COL25A1: variants seen among roughly 807,000 people sequenced by gnomAD.
COL25A1 encodes the protein collagen type XXV alpha 1 chain, also known as collagen alpha-1(XXV) chain.
In COL25A1, 103 loss-of-function variants were observed where a neutral mutation model predicts 128.4. That is an observed-to-expected ratio of 0.80 (90% CI 0.68 to 0.94). The LOEUF (loss-of-function observed/expected upper bound fraction) is 0.94, where lower values mean the gene tolerates loss of function less well. Ranked by LOEUF, COL25A1 falls within the 40% of genes least tolerant of loss-of-function variation. The pLI, the probability that COL25A1 is intolerant of heterozygous loss-of-function variation, is 0.00. For synonymous variants in COL25A1, 279 were observed against 277.2 expected (o/e 1.01, Z -0.06); for missense variants, 745 against 840.0 (o/e 0.89, Z 1.40).
At chr4:108,971,631 A>G (rs1751925761) in intron 8 of COL25A1, among the ~76,000 whole-genome samples, 1 of 152,200 alleles carries the variant, frequency 6.6e-6, no homozygotes, top group Non-Finnish European at 1.5e-5. Flanking sequence ...AGGCAAGACT[A>G]GTGTGAGATG....
intron 3 of COL25A1, among the ~76,000 whole-genome samples, chr4:109,084,965 C>A (rs2125999748): frequency 6.6e-6 from 1 of 152,278 alleles, no homozygotes; most frequent in Non-Finnish European, 1.5e-5. Context: ...TCTCAAAAGT[C>A]ACCAATAACT....
rs1748179000 is a variant in COL25A1, at chr4:108,942,100, T to C, written c.493-663A>G. The stretch of plus-strand genomic sequence containing the variant: ...GTCCCAAGTGCCCAGTAACTTGATA[T>C]ATACCATGAGAGGAAGCCAACGGGC... On this transcript the variant is annotated intron_variant, in intron 8 of 37. Coordinates refer to ENST00000399132, the MANE Select transcript of COL25A1 (RefSeq NM_198721.4). 3.8e-6 allele frequency: 4 copies of C among 1,047,402 alleles called. No individual in the cohort carries two copies. In the South Asian group the frequency reaches 4.4e-5, roughly 11 times the overall value. 64.9% of individuals were successfully genotyped at this position (1,047,402 alleles called of 1,614,324 possible).
At chr4:109,001,972 TA>T (rs1246415949) in intron 6 of COL25A1, among the ~76,000 whole-genome samples, 1 of 152,206 alleles carries the variant, frequency 6.6e-6, no homozygotes, top group Non-Finnish European at 1.5e-5. Flanking sequence ...TCCACATCAC[TA>T]ATCATCAAGG....
At chr4:109,082,009 A>T (rs1763889604) in intron 3 of COL25A1, among the ~76,000 whole-genome samples, 1 of 152,112 alleles carries the variant, frequency 6.6e-6, no homozygotes, top group African/African-American at 2.4e-5. Context: ...GTAGCCCACT[A>T]ATCTCTTTTC....
intron 3 of COL25A1, among the ~76,000 whole-genome samples, chr4:109,057,495 T>TGGTCTCAA (rs2125957042): frequency 7.5e-6 from 1 of 133,376 alleles, no homozygotes; most frequent in East Asian, 2.6e-4. Flanking sequence ...TTGGCCAGGC[T>TGGTCTCAA]GGTCTCAAAC....
At position 109,302,214 on chromosome 4, in the gene COL25A1, G is replaced by A. The variant is rs189457096; in HGVS notation, c.-102C>T. On this transcript the variant is annotated 5_prime_UTR_variant, in exon 1 of 38. Coordinates refer to ENST00000399132, the MANE Select transcript of COL25A1 (RefSeq NM_198721.4). ...AGACCCGCAGGCGTGCACCATCCCC[G>A]CTTTCTTCTCTCCTCCCAGCTGGAA... 7.4e-4 allele frequency: 468 copies of A among 636,348 alleles called. 7 individuals carry two copies. The Admixed American group carries it at 0.014, about 19-fold the overall frequency. The allele number at this position is 636,348 out of a possible 1,614,324, so 39.4% of individuals were successfully genotyped here.
At chr4:108,983,846 CAGTGTGGACCCGAAG>C (rs1753320649) in intron 6 of COL25A1, among the ~76,000 whole-genome samples, 1 of 152,112 alleles carries the variant, frequency 6.6e-6, no homozygotes, top group South Asian at 2.1e-4. Flanking sequence ...CTCATAATGG[CAGTGTGGACCCGAAG>C]AGTGAGCAGC....
intron 3 of COL25A1, among the ~76,000 whole-genome samples, chr4:109,298,154 G>A (rs1227406307): frequency 6.6e-6 from 1 of 151,888 alleles, no homozygotes; most frequent in Non-Finnish European, 1.5e-5. Flanking sequence ...TTCAGTCAGG[G>A]TCATTGTGAA....
chr4:109,269,846 C>A (rs1246881406), intron 3 of COL25A1, among the ~76,000 whole-genome samples: 5 of 152,272 alleles, frequency 3.3e-5, no homozygotes, highest in African/African-American at 1.2e-4. Context: ...CCGAATCCAG[C>A]AGCACGTCAA....
At chr4:109,158,335 A>G (rs1772231631) in intron 3 of COL25A1, among the ~76,000 whole-genome samples, 1 of 151,814 alleles carries the variant, frequency 6.6e-6, no homozygotes, top group Non-Finnish European at 1.5e-5. Context: ...AAGACTAAAC[A>G]TTTTCCCAAC....
Position 108,992,687 on chromosome 4 carries a change from C to T in COL25A1, c.438+17671G>A, listed in dbSNP as rs373895910. Among the ~76,000 whole-genome samples, 4 of 152,144 alleles carry T rather than the reference C, an allele frequency of 2.6e-5. No homozygotes were observed. In the East Asian group the frequency reaches 5.8e-4, roughly 22 times the overall value. ...ATAATGAAGGAAACAAAGGTATCCA[C>T]ACTCCAAACCATGTGGACGCAAGTT... On this transcript the variant is annotated intron_variant, in intron 6 of 37. Transcript: ENST00000399132.
rs575941486 is a variant in COL25A1 at position 109,157,466 on chromosome 4, G to C, written c.368-107287C>G. 8.5e-5 allele frequency among the ~76,000 whole-genome samples: 13 copies of C among 152,094 alleles called. No individual in the cohort carries two copies. The South Asian group carries it at 2.7e-3, about 32-fold the overall frequency. ...GAATAACTTTAGGTACTTCCTGTGG[G>C]GTTTCTCCAATATATTCACCTGTAC... On this transcript the variant is annotated intron_variant, in intron 3 of 37. Coordinates refer to ENST00000399132, the MANE Select transcript of COL25A1 (RefSeq NM_198721.4).
At chr4:109,060,985 T>C (rs1424474884) in intron 3 of COL25A1, among the ~76,000 whole-genome samples, 2 of 152,308 alleles carry the variant, frequency 1.3e-5, no homozygotes, top group East Asian at 3.9e-4. Flanking sequence ...ACTACTAGGT[T>C]AATCATTTTA....
At chr4:108,964,268 G>A (rs934732497) in intron 8 of COL25A1, among the ~76,000 whole-genome samples, 1 of 151,578 alleles carries the variant, frequency 6.6e-6, no homozygotes, top group Admixed American at 6.6e-5. Flanking sequence ...CAGAGGATGT[G>A]CTTAGGATTG....
rs1578676365 is a variant in COL25A1 at position 109,300,781 on chromosome 4, C to A, written c.298-129G>T. The A allele has an allele frequency of 9.5e-6, 6 of 634,832 alleles. No homozygotes were observed. In the East Asian group the frequency reaches 1.6e-4, roughly 17 times the overall value. 39.3% of individuals were successfully genotyped at this position (634,832 alleles called of 1,614,324 possible). A position where few individuals can be genotyped will look rare whatever the true frequency, so the allele number is the denominator to read the frequency against. On this transcript the variant is annotated intron_variant, in intron 2 of 37. Transcript: ENST00000399132. ...TGCATAACTAACATTTACATATGTA[C>A]TTGGACTCTAGTCAAGAAAGTAACC...
chr4:109,040,335 G>C (rs942561206), intron 5 of COL25A1, among the ~76,000 whole-genome samples: 2 of 152,104 alleles, frequency 1.3e-5, no homozygotes, highest in Admixed American at 6.6e-5. Flanking sequence ...TTGTATAAGA[G>C]GAATCACAGC....
intron 3 of COL25A1, among the ~76,000 whole-genome samples, chr4:109,229,159 A>T (rs555505497): frequency 6.7e-6 from 1 of 149,346 alleles, no homozygotes; most frequent in African/African-American, 2.6e-5. Flanking sequence ...CCCCTAAAAA[A>T]ATTGGATTTC....
At chr4:109,060,803 T>C (rs1035911014) in intron 3 of COL25A1, among the ~76,000 whole-genome samples, 1 of 152,084 alleles carries the variant, frequency 6.6e-6, no homozygotes, top group Non-Finnish European at 1.5e-5. Context: ...ATCAAGGCAA[T>C]TTTTTAGTCC....
At chr4:109,008,174 C>T (rs1756221602) in intron 6 of COL25A1, among the ~76,000 whole-genome samples, 1 of 152,306 alleles carries the variant, frequency 6.6e-6, no homozygotes, top group East Asian at 1.9e-4. Context: ...CCTCTGGCTT[C>T]CTAAATTCCT....
Sources: allele counts gnomAD v4.1 joint callset (sites outside exome capture counted in the v4.1 genomes callset), GRCh38; gene constraint gnomAD v4.1.1; transcripts MANE v1.5; gene names NCBI Gene and HGNC (gene_info 2026-07-23, HGNC 2026-07-21).